The following FBP2 variants were observed in gnomAD, a reference collection of about 807,000 sequenced individuals.
FBP2 encodes the protein fructose-1,6-bisphosphatase isozyme 2.
FBP2 carries 27 observed loss-of-function variants against 31.6 expected under a neutral mutation model. That is an observed-to-expected ratio of 0.85 (90% CI 0.63 to 1.18). FBP2 has a LOEUF of 1.18. Among genes scored for constraint, FBP2 ranks in the 50% most tolerant of loss-of-function variants. The probability of loss-of-function intolerance (pLI) is 0.00; values close to 1 mark genes in which losing one functional copy is unlikely to be tolerated. For synonymous variants in FBP2, 168 were observed against 179.8 expected (o/e 0.93, Z 0.53); for missense variants, 421 against 436.1 (o/e 0.97, Z 0.31).
intron 1 of FBP2, among the ~76,000 whole-genome samples, chr9:94,588,638 G>C (rs1318822335): frequency 6.6e-6 from 1 of 152,126 alleles, no homozygotes; most frequent in Non-Finnish European, 1.5e-5. Flanking sequence ...TCTATCTAGA[G>C]GCTTTGGGTT....
intron 3 of FBP2, chr9:94,577,227 C>T (rs1389311507): frequency 6.6e-6 from 1 of 152,288 alleles, no homozygotes; most frequent in Non-Finnish European, 1.5e-5. Flanking sequence ...CTTTCTCTTT[C>T]CTCTTCCTTC....
intron 5 of FBP2, among the ~76,000 whole-genome samples, chr9:94,565,818 C>CGAGGGCAG (rs1827181013): frequency 6.6e-6 from 1 of 151,752 alleles, no homozygotes; most frequent in Non-Finnish European, 1.5e-5. Context: ...AGGGAGGGAG[C>CGAGGGCAG]GAGGGCAGGA....
chr9:94,583,746 T>C (rs1204377667), intron 3 of FBP2, among the ~76,000 whole-genome samples: 2 of 152,160 alleles, frequency 1.3e-5, no homozygotes, highest in Non-Finnish European at 2.9e-5. Flanking sequence ...ATTACAGGCG[T>C]GCACCATCAC....
intron 1 of FBP2, among the ~76,000 whole-genome samples, chr9:94,591,565 C>T (rs1827503835): frequency 6.6e-6 from 1 of 152,230 alleles, no homozygotes; most frequent in South Asian, 2.1e-4. Context: ...GGGCTCCAGC[C>T]TTGGCCAGCC....
At chr9:94,565,644 A>T (rs1341492766) in intron 5 of FBP2, among the ~76,000 whole-genome samples, 4 of 151,810 alleles carry the variant, frequency 2.6e-5, no homozygotes, top group Non-Finnish European at 4.4e-5. Flanking sequence ...AGGACTTGAC[A>T]TAACAGAGAC....
chr9:94,578,170 C>T (rs1420837890), intron 3 of FBP2, among the ~76,000 whole-genome samples: 1 of 152,262 alleles, frequency 6.6e-6, no homozygotes, highest in South Asian at 2.1e-4. Flanking sequence ...AAGATTATAA[C>T]CCAGCCAAAC....
intron 3 of FBP2, among the ~76,000 whole-genome samples, chr9:94,573,902 T>C (rs535965145): frequency 1.3e-5 from 2 of 152,330 alleles, no homozygotes; most frequent in African/African-American, 4.8e-5. Context: ...CTGTGAATAT[T>C]TGTTATGTTT....
chr9:94,563,247 A>G (rs1178738308), intron 6 of FBP2, 95 bp downstream of exon 6: 24 of 1,390,838 alleles, frequency 1.7e-5, no homozygotes. Context: ...CAGACATGCC[A>G]TGAAGCAGTG....
intron 4 of FBP2, 116 bp downstream of exon 4, chr9:94,571,346 C>T: frequency 8.8e-7 from 1 of 1,133,902 alleles, no homozygotes; most frequent in Non-Finnish European, 1.2e-6. Flanking sequence ...TCTCAGGACC[C>T]CTGGTCCCCA....
rs769142942 is a variant in FBP2 at position 94,593,571 on chromosome 9, G to A, written c.156C>T (p.Ala52=). Residue 52 remains alanine (A), a synonymous_variant, in exon 1 of 7, where the codon GCC becomes GCT. Transcript: ENST00000375337. ...IKAISSAVRK[A]GLAHLYGIAG... ...CCAGGACTCACAGGTGGGCCAGACC[G>A]GCCTTGCGCACAGCCGAGGAGATGG... 5 of 1,613,492 alleles carry A rather than the reference G, an allele frequency of 3.1e-6. No individual in the cohort carries two copies. The African/African-American group carries it at 4.0e-5, about 13-fold the overall frequency.
At chr9:94,568,111 G>C (rs1358353756) in intron 4 of FBP2, 3 of 127,854 alleles carry the variant, frequency 2.3e-5, no homozygotes. Context: ...CTGGATGACA[G>C]AGCAAGACTC....
intron 5 of FBP2, among the ~76,000 whole-genome samples, chr9:94,566,711 A>C (rs1827194867): frequency 1.3e-5 from 2 of 152,220 alleles, no homozygotes; most frequent in Non-Finnish European, 2.9e-5. Context: ...TTCTTCAGCA[A>C]ATAACATTAA....
chr9:94,574,914 T>C (rs1827301750), intron 3 of FBP2, among the ~76,000 whole-genome samples: 1 of 152,174 alleles, frequency 6.6e-6, no homozygotes, highest in Non-Finnish European at 1.5e-5. Context: ...TCAGTAAATT[T>C]TATAGTAGTT....
chr9:94,562,943 CG>C (rs1220923232), intron 6 of FBP2, among the ~76,000 whole-genome samples: 1 of 152,116 alleles, frequency 6.6e-6, no homozygotes. Flanking sequence ...GTAATGTGTA[CG>C]TTTACATGCA....
chr9:94,588,135 G>A (rs1827449544), intron 1 of FBP2, among the ~76,000 whole-genome samples: 1 of 152,186 alleles, frequency 6.6e-6, no homozygotes, highest in Admixed American at 6.5e-5. Context: ...ACAGGCATGA[G>A]CCACCATGCC....
At chr9:94,572,952 A>AG (rs71496965) in intron 3 of FBP2, 73,870 of 151,898 alleles carry the variant, frequency 0.49, 18,588 homozygotes, top group African/African-American at 0.61. Context: ...CACTAGTTCT[A>AG]GAAGTGTTTT....
At position 94,561,617 on chromosome 9, in the gene FBP2, G is replaced by T. The variant is rs563576576; in HGVS notation, c.825+1725C>A. ...TCTGACCTCGTGATCCACCCGCCTT[G>T]GCCTCCCAAAGTACTAGGATTACAG... On this transcript the variant is annotated intron_variant, in intron 6 of 6. Coordinates refer to ENST00000375337, the MANE Select transcript of FBP2 (RefSeq NM_003837.4). Among the ~76,000 whole-genome samples the T allele has an allele frequency of 9.2e-4, 140 of 152,096 alleles. 1 individual carries two copies. Among genetic ancestry groups the T allele is most frequent in the Non-Finnish European group, 1.7e-3 (116 of 67,984 alleles).
chr9:94,589,569 A>G (rs910425363), intron 1 of FBP2, among the ~76,000 whole-genome samples: 2 of 152,210 alleles, frequency 1.3e-5, no homozygotes, highest in African/African-American at 4.8e-5. Context: ...AAAGGATGGC[A>G]AGAAAGGAAT....
At position 94,558,915 on chromosome 9, in the gene FBP2, GA is replaced by G. The variant is rs1343198174; in HGVS notation, c.*22del. On this transcript the variant is annotated 3_prime_UTR_variant, in exon 7 of 7. Coordinates refer to ENST00000375337, the MANE Select transcript of FBP2 (RefSeq NM_003837.4). ...TAGACAAGGTGCAAGACAAACAGAA[GA>G]GGGCATGTGGGGTCAAACTCGCTAG... 14 of 1,611,228 alleles carry G rather than the reference GA, an allele frequency of 8.7e-6. No homozygotes were observed. Among genetic ancestry groups the G allele is most frequent in the African/African-American group, 1.3e-5 (1 of 74,850 alleles).
Sources: gnomAD v4.1 joint callset for allele counts (sites outside exome capture counted in the v4.1 genomes callset) on GRCh38, gnomAD v4.1.1 for gene constraint, MANE v1.5 for transcripts, NCBI Gene and HGNC (gene_info 2026-07-23, HGNC 2026-07-21) for gene names.